The following GRID2 variants were observed in gnomAD, a reference collection of about 807,000 sequenced individuals.
GRID2 encodes the protein glutamate ionotropic receptor delta type subunit 2.
In GRID2, 33 loss-of-function variants were observed where a neutral mutation model predicts 114.8. That is an observed-to-expected ratio of 0.29 (90% CI 0.22 to 0.38). GRID2 has a LOEUF of 0.38. Ranked by LOEUF, GRID2 falls within the 10% of genes least tolerant of loss-of-function variation. GRID2 has a pLI of 1.00. For synonymous variants in GRID2, 505 were observed against 449.9 expected (o/e 1.12, Z -1.55); for missense variants, 1,184 against 1,257.7 (o/e 0.94, Z 0.89).
chr4:92,627,179 C>A (rs1730563943), intron 2 of GRID2, among the ~76,000 whole-genome samples: 1 of 151,962 alleles, frequency 6.6e-6, no homozygotes, highest in Admixed American at 6.6e-5. Context: ...ACCTAGAGAT[C>A]TATAGTATAC....
At chr4:93,220,589 C>A (rs565827426) in intron 6 of GRID2, among the ~76,000 whole-genome samples, 1 of 152,178 alleles carries the variant, frequency 6.6e-6, no homozygotes, top group South Asian at 2.1e-4. Flanking sequence ...AAATTGATAT[C>A]TAAATAAATC....
At chr4:92,805,239 TTCTC>T (rs376247479) in intron 2 of GRID2, among the ~76,000 whole-genome samples, 7 of 150,738 alleles carry the variant, frequency 4.6e-5, no homozygotes, top group African/African-American at 7.3e-5. Flanking sequence ...TTTGATACTT[TTCTC>T]TCTCTCTCTC....
At chr4:92,977,185 C>T (rs1228109119) in intron 2 of GRID2, among the ~76,000 whole-genome samples, 1 of 152,072 alleles carries the variant, frequency 6.6e-6, no homozygotes, top group Non-Finnish European at 1.5e-5. Context: ...ATGCAGGAAG[C>T]TAACAAGGTA....
At chr4:92,732,018 A>G (rs1488701296) in intron 2 of GRID2, among the ~76,000 whole-genome samples, 1 of 151,944 alleles carries the variant, frequency 6.6e-6, no homozygotes, top group African/African-American at 2.4e-5. Flanking sequence ...ATAAGAAAAG[A>G]AAAATTATTT....
intron 2 of GRID2, among the ~76,000 whole-genome samples, chr4:92,635,183 T>C (rs1422371829): frequency 1.3e-5 from 2 of 152,072 alleles, no homozygotes; most frequent in Non-Finnish European, 2.9e-5. Flanking sequence ...CAAAAATACT[T>C]TGTATCTACT....
chr4:93,536,945 G>A (rs1732151294), intron 13 of GRID2, among the ~76,000 whole-genome samples: 1 of 151,092 alleles, frequency 6.6e-6, no homozygotes, highest in South Asian at 2.1e-4. Flanking sequence ...TTTGTCATTG[G>A]TGACATACCT....
At chr4:92,476,660 T>C (rs1263487386) in intron 1 of GRID2, among the ~76,000 whole-genome samples, 1 of 152,188 alleles carries the variant, frequency 6.6e-6, no homozygotes, top group Non-Finnish European at 1.5e-5. Flanking sequence ...AATCTACTTA[T>C]AACCACTAAC....
chr4:93,578,589 T>C (rs1736653367), intron 13 of GRID2, among the ~76,000 whole-genome samples: 1 of 87,358 alleles, frequency 1.1e-5, no homozygotes, highest in Non-Finnish European at 2.6e-5. Flanking sequence ...TTTTTTGTAT[T>C]TTTTTTTTTT....
At chr4:93,086,334 C>T (rs1730323795) in intron 3 of GRID2, among the ~76,000 whole-genome samples, 1 of 152,122 alleles carries the variant, frequency 6.6e-6, no homozygotes, top group Admixed American at 6.6e-5. Flanking sequence ...GCTTTCTTGT[C>T]CTAAGCTACC....
intron 13 of GRID2, among the ~76,000 whole-genome samples, chr4:93,521,722 C>G (rs1730356728): frequency 1.3e-5 from 2 of 151,824 alleles, no homozygotes; most frequent in African/African-American, 4.8e-5. Context: ...AAAAAAAATG[C>G]CTGTACAAAT....
chr4:93,179,917 C>T (rs979345411), intron 4 of GRID2, among the ~76,000 whole-genome samples: 6 of 152,086 alleles, frequency 3.9e-5, no homozygotes, highest in African/African-American at 1.4e-4. Flanking sequence ...ATTCCCAGGA[C>T]CCTCTGCTCT....
In GRID2 at chr4:92,819,106, C is replaced by CAGCATG. The variant is rs368063922; in HGVS notation, c.244+228837_244+228842dup. ...TTTATAAACTAGGCAACTTTACTCC[C>CAGCATG]AGCATGAGCATGAGCATGAGCAAAT... On this transcript the variant is annotated intron_variant, in intron 2 of 15. Transcript: ENST00000282020. Among the ~76,000 whole-genome samples, 840 of 152,142 alleles carry CAGCATG rather than the reference C, an allele frequency of 5.5e-3. 11 individuals carry two copies. Among genetic ancestry groups the CAGCATG allele is most frequent in the African/African-American group, 0.019 (804 of 41,520 alleles).
At chr4:92,660,182 G>C (rs1200663625) in intron 2 of GRID2, among the ~76,000 whole-genome samples, 1 of 151,276 alleles carries the variant, frequency 6.6e-6, no homozygotes, top group East Asian at 1.9e-4. Flanking sequence ...ATGTGGAAGA[G>C]GCCAGAGTTG....
At chr4:92,925,441 T>G (rs1378493469) in intron 2 of GRID2, among the ~76,000 whole-genome samples, 1 of 152,040 alleles carries the variant, frequency 6.6e-6, no homozygotes, top group Non-Finnish European at 1.5e-5. Flanking sequence ...TAATGAAAGC[T>G]GACTACATTT....
intron 7 of GRID2, among the ~76,000 whole-genome samples, chr4:93,227,763 A>C (rs1187622975): frequency 1.3e-5 from 2 of 152,236 alleles, no homozygotes; most frequent in Non-Finnish European, 2.9e-5. Context: ...AAAGTCCTAG[A>C]ATATGGCCAC....
At chr4:92,988,735 G>T (rs945573326) in intron 2 of GRID2, among the ~76,000 whole-genome samples, 2 of 152,028 alleles carry the variant, frequency 1.3e-5, no homozygotes, top group African/African-American at 4.8e-5. Context: ...GAAGAATATA[G>T]AAAAATAAAT....
At chr4:92,895,217 TA>T (rs1350688520) in intron 2 of GRID2, among the ~76,000 whole-genome samples, 1 of 151,506 alleles carries the variant, frequency 6.6e-6, no homozygotes, top group African/African-American at 2.4e-5. Flanking sequence ...GGGTAGAATG[TA>T]AGACAAGTTT....
chr4:92,935,489 G>T (rs1750594242), intron 2 of GRID2, among the ~76,000 whole-genome samples: 1 of 146,572 alleles, frequency 6.8e-6, no homozygotes, highest in Non-Finnish European at 1.5e-5. Context: ...CTTCCTCAGG[G>T]ATCTAGAACT....
chr4:92,834,327 C>T (rs1160378038), intron 2 of GRID2, among the ~76,000 whole-genome samples: 1 of 151,966 alleles, frequency 6.6e-6, no homozygotes, highest in Non-Finnish European at 1.5e-5. Context: ...ATAATAAAAC[C>T]ATTTTTCACC....
Sources: gnomAD v4.1 joint callset for allele counts (sites outside exome capture counted in the v4.1 genomes callset) on GRCh38, gnomAD v4.1.1 for gene constraint, MANE v1.5 for transcripts, NCBI Gene and HGNC (gene_info 2026-07-23, HGNC 2026-07-21) for gene names.